The following SKOR2 variants were observed in gnomAD, a reference collection of about 807,000 sequenced individuals.
SKOR2 encodes the protein LBX1 corepressor 1-like protein.
Under a neutral mutation model 69.1 loss-of-function variants are expected in SKOR2, and 47 were observed. The observed-to-expected ratio is 0.68, with a 90% CI of 0.54 to 0.87. The LOEUF (loss-of-function observed/expected upper bound fraction) is 0.87. Ranked by LOEUF, SKOR2 falls within the 40% of genes least tolerant of loss-of-function variation. The pLI is 0.00. For missense variants in SKOR2, 1,404 were observed against 1,472.2 expected, an observed-to-expected ratio of 0.95 and a Z score of 0.76; for synonymous variants, 717 against 672.6, an observed-to-expected ratio of 1.07 and a Z score of -1.02.
chr18:47,235,978 GC>G (rs781529125), intron 4 of SKOR2, among the ~76,000 whole-genome samples: 26 of 151,968 alleles, frequency 1.7e-4, no homozygotes, highest in Non-Finnish European at 3.4e-4. Flanking sequence ...TGTCCAACCT[GC>G]TGAGCCATCC....
At chr18:47,218,589 C>CAAA (rs57860548) in intron 7 of SKOR2, among the ~76,000 whole-genome samples, 33,492 of 87,742 alleles carry the variant, frequency 0.38, 6,081 homozygotes, top group Non-Finnish European at 0.44. Flanking sequence ...GACCCTGTCT[C>CAAA]AAAAAAAAAA....
At position 47,248,548 on chromosome 18, in the gene SKOR2, A is replaced by G; in HGVS notation, c.636T>C (p.His212=). ...GGGGACTCTTGTCGGTGAGCTTGAG[A>G]TGACGGCGCCACGAGTTGAAGTTGG... ...DAANFNSWRR[H]LKLTDKSPQD... is the part of the protein sequence containing the mutation. The change falls in exon 2 of 9, where the codon CAT becomes CAC. Residue 212 remains histidine (H), a synonymous_variant. Transcript: ENST00000425639. This position sits in a 1 kb window ranked among gnomAD's most constrained non-coding sequence, Gnocchi z 6.4. The G allele has an allele frequency of 2.0e-6, 3 of 1,537,368 alleles. No individual in the cohort carries two copies. In the South Asian group the frequency reaches 3.6e-5, roughly 18 times the overall value.
At chr18:47,210,887 T>C (rs2064125909) in intron 8 of SKOR2, among the ~76,000 whole-genome samples, 1 of 152,092 alleles carries the variant, frequency 6.6e-6, no homozygotes, top group African/African-American at 2.4e-5. Flanking sequence ...TCTTCTTGGC[T>C]TTGCAACATG....
intron 7 of SKOR2, among the ~76,000 whole-genome samples, chr18:47,217,947 A>G (rs1267047833): frequency 1.3e-5 from 2 of 152,202 alleles, no homozygotes; most frequent in Non-Finnish European, 1.5e-5. Flanking sequence ...ATTTGTCTAG[A>G]TAGATGAATA....
chr18:47,249,234 G>A lies in SKOR2; in HGVS notation c.-47-4C>T. The stretch of plus-strand genomic sequence containing the variant: ...CCCTACAGGTCTGCCTTGGACACTG[G>A]AAGGGAAAGGAGAAAGCGTTGACTT... On this transcript the variant is annotated splice_polypyrimidine_tract_variant and splice_region_variant and intron_variant, in intron 1 of 8. Transcript: ENST00000425639. 6.7e-7 allele frequency: 1 copy of A among 1,498,018 alleles called. No individual in the cohort carries two copies. Among genetic ancestry groups the A allele is most frequent in the Non-Finnish European group, 8.9e-7 (1 of 1,127,682 alleles). 92.8% of individuals were successfully genotyped at this position (1,498,018 alleles called of 1,614,324 possible).
At chr18:47,245,678 T>A in intron 2 of SKOR2, 117 bp from the exon 3 acceptor site, 1 of 870,998 alleles carries the variant, frequency 1.1e-6, no homozygotes, top group Non-Finnish European at 1.7e-6. Context: ...TCAGGAGACA[T>A]CATTTTTTGA....
At chr18:47,216,197 C>T (rs2064143388) in intron 7 of SKOR2, among the ~76,000 whole-genome samples, 1 of 152,136 alleles carries the variant, frequency 6.6e-6, no homozygotes, top group African/African-American at 2.4e-5. Flanking sequence ...TTACACTAAA[C>T]ATTTACATTT....
intron 6 of SKOR2, among the ~76,000 whole-genome samples, chr18:47,229,010 C>T (rs1470245135): frequency 6.6e-6 from 1 of 152,162 alleles, no homozygotes; most frequent in African/African-American, 2.4e-5. Context: ...TCAGAGTTCT[C>T]TTCCATCATG....
At chr18:47,230,132 T>C (rs1433171655) in intron 6 of SKOR2, among the ~76,000 whole-genome samples, 5 of 151,960 alleles carry the variant, frequency 3.3e-5, no homozygotes, top group Admixed American at 6.5e-5. Context: ...TCTTTTGTTT[T>C]AAAATCTATA....
At position 47,206,444 on chromosome 18, in the gene SKOR2, G is replaced by C. The variant is rs1055164295; in HGVS notation, c.*452C>G. 2.0e-5 allele frequency: 3 copies of C among 152,080 alleles called. No homozygotes were observed. In the East Asian group the frequency reaches 5.8e-4, roughly 29 times the overall value. The allele number at this position is 152,080 out of a possible 1,614,324, so 9.4% of individuals were successfully genotyped here. A position where few individuals can be genotyped will look rare whatever the true frequency, so the allele number is the denominator to read the frequency against. On this transcript the variant is annotated 3_prime_UTR_variant, in exon 9 of 9. Transcript: ENST00000425639. ...CATTGAAACGCTATCCCCACTCCTA[G>C]GATGGGTCTTGTGTTTTCTTCCACC...
At chr18:47,218,589 CA>C (rs57860548) in intron 7 of SKOR2, among the ~76,000 whole-genome samples, 2,879 of 88,168 alleles carry the variant, frequency 0.033, 30 homozygotes, top group Non-Finnish European at 0.043. Context: ...GACCCTGTCT[CA>C]AAAAAAAAAA....
rs896692419 is a variant in SKOR2 at position 47,246,885 on chromosome 18, C to G, written c.2299G>C (p.Glu767Gln). 1 of 1,490,298 alleles carries G rather than the reference C, an allele frequency of 6.7e-7. No individual in the cohort carries two copies. Among genetic ancestry groups the G allele is most frequent in the Non-Finnish European group, 8.9e-7 (1 of 1,126,536 alleles). 92.3% of individuals were successfully genotyped at this position (1,490,298 alleles called of 1,614,324 possible). Residue 767 changes from glutamate (E) to glutamine (Q), a missense_variant, in exon 2 of 9, where the codon GAG becomes CAG. Glu to Gln is a conservative substitution (Grantham distance 29). This residue lies in a region of SKOR2 where 1,266 missense variants were observed against 1,309.9 expected (regional missense o/e 0.97). Coordinates refer to ENST00000425639, the MANE Select transcript of SKOR2 (RefSeq NM_001278063.4). ...EEEGRDPDDD[E>Q]EEDEETEVLL... ...ACCTCCGTCTCCTCGTCCTCTTCCT[C>G]GTCGTCGTCAGGGTCTCGACCTTCC...
At position 47,247,866 on chromosome 18, in the gene SKOR2, C is replaced by T. The variant is rs1233386498; in HGVS notation, c.1318G>A (p.Gly440Ser). 1 of 1,360,690 alleles carries T rather than the reference C, an allele frequency of 7.3e-7. No homozygotes were observed. Among genetic ancestry groups the T allele is most frequent in the Middle Eastern group, 2.3e-4 (1 of 4,422 alleles). 84.3% of individuals were successfully genotyped at this position (1,360,690 alleles called of 1,614,324 possible). A position where few individuals can be genotyped will look rare whatever the true frequency, so the allele number is the denominator to read the frequency against. ...GCCTTGGGCGCCGCGCCCGCGCCGC[C>T]TGCGCCCGCGCCCCCCAGGGCCTCA... is the stretch of plus-strand genomic sequence containing the variant. ...AAEALGGAGA[G>S]GAGAAPKAGL... The change falls in exon 2 of 9, where the codon GGC (glycine) becomes AGC (serine). Residue 440 changes from glycine to serine, a missense_variant. Around this residue, in one of 3 missense-constraint regions of SKOR2, gnomAD observed 1,266 missense variants for 1,309.9 expected, o/e 0.97. Coordinates refer to ENST00000425639, the MANE Select transcript of SKOR2 (RefSeq NM_001278063.4). This position sits in a 1 kb window ranked among gnomAD's most constrained non-coding sequence, Gnocchi z 6.6.
intron 6 of SKOR2, among the ~76,000 whole-genome samples, chr18:47,225,435 T>A (rs947434068): frequency 6.6e-6 from 1 of 152,202 alleles, no homozygotes; most frequent in Non-Finnish European, 1.5e-5. Flanking sequence ...TTTAATCTCT[T>A]TGGGTATAAC....
At chr18:47,244,244 A>G (rs2064261169) in intron 4 of SKOR2, among the ~76,000 whole-genome samples, 1 of 152,194 alleles carries the variant, frequency 6.6e-6, no homozygotes, top group South Asian at 2.1e-4. Flanking sequence ...ATTTGCAGAC[A>G]TTGCCTCAGG....
Position 47,236,015 on chromosome 18 carries a change from C to T in SKOR2, c.2753-5015G>A, listed in dbSNP as rs901909474. 9.9e-5 allele frequency among the ~76,000 whole-genome samples: 15 copies of T among 152,218 alleles called. No homozygotes were observed. The East Asian group carries it at 1.2e-3, about 12-fold the overall frequency. On this transcript the variant is annotated intron_variant, in intron 4 of 8. Transcript: ENST00000425639. ...TGTCTCCCTTTTTGAGACAAGTTCT[C>T]GCTCTGCCACCCAGGCTGGAGCGCA...
At chr18:47,231,293 A>G in intron 4 of SKOR2, 1 of 945,604 alleles carries the variant, frequency 1.1e-6, no homozygotes, top group Admixed American at 2.7e-5. Context: ...CTTTACAAGG[A>G]AGGAAATTGC....
At chr18:47,236,268 C>T (rs943641508) in intron 4 of SKOR2, among the ~76,000 whole-genome samples, 2 of 152,166 alleles carry the variant, frequency 1.3e-5, no homozygotes, top group South Asian at 2.1e-4. Flanking sequence ...TGGAATTATA[C>T]GCCTGAGTCA....
At chr18:47,225,870 G>T (rs2064177016) in intron 6 of SKOR2, among the ~76,000 whole-genome samples, 1 of 152,140 alleles carries the variant, frequency 6.6e-6, no homozygotes, top group Non-Finnish European at 1.5e-5. Flanking sequence ...GAGGTTGGGG[G>T]AGGGGCACAC....
Sources: allele counts gnomAD v4.1 joint callset (sites outside exome capture counted in the v4.1 genomes callset), GRCh38; gene constraint gnomAD v4.1.1; regional missense constraint gnomAD v4.1.1; non-coding constraint Gnocchi (gnomAD v3.1); transcripts MANE v1.5; gene names NCBI Gene and HGNC (gene_info 2026-07-23, HGNC 2026-07-21).